SLC6A15: variants seen among roughly 807,000 people sequenced by gnomAD.
SLC6A15 encodes sodium-dependent neutral amino acid transporter B(0)AT2.
SLC6A15 carries 33 observed loss-of-function variants against 68.5 expected under a neutral mutation model. The observed-to-expected ratio is 0.48, with a 90% confidence interval of 0.37 to 0.64. The LOEUF (loss-of-function observed/expected upper bound fraction) is 0.64. SLC6A15 is among the 30% of genes least tolerant of loss of function. SLC6A15 has a pLI of 0.00. For synonymous variants in SLC6A15, 347 were observed against 301.0 expected (o/e 1.15, Z -1.58); for missense variants, 747 against 874.3 (o/e 0.85, Z 1.84).
In SLC6A15 at chr12:84,861,918, A is replaced by T; in HGVS notation, c.1907T>A (p.Val636Asp). ...AAGGTTGAAGCGACGAACAATGAAA[A>T]CTACAGGGACTGGGAGTATTGCAAA... is the stretch of plus-strand genomic sequence containing the variant. ...VVFAILPVPV[V>D]FIVRRFNLID... The change falls in exon 12 of 12, where the codon GTT becomes GAT. Residue 636 changes from valine to aspartate, a missense_variant. Coordinates refer to ENST00000266682, the MANE Select transcript of SLC6A15 (RefSeq NM_182767.6). 6.2e-7 allele frequency: 1 copy of T among 1,613,988 alleles called. No individual in the cohort carries two copies. Among genetic ancestry groups the T allele is most frequent in the Non-Finnish European group, 8.5e-7 (1 of 1,179,914 alleles).
chr12:84,864,922 C>T (rs1406345690), intron 10 of SLC6A15, among the ~76,000 whole-genome samples: 1 of 152,142 alleles, frequency 6.6e-6, no homozygotes, highest in Non-Finnish European at 1.5e-5. Flanking sequence ...ACAAAATCGA[C>T]AGATGCATCT....
At chr12:84,907,062 G>T (rs545551131) in intron 1 of SLC6A15, among the ~76,000 whole-genome samples, 10 of 152,088 alleles carry the variant, frequency 6.6e-5, no homozygotes, top group East Asian at 1.9e-4. Flanking sequence ...CTTAAAACTC[G>T]ACCGTTGCCA....
intron 1 of SLC6A15, among the ~76,000 whole-genome samples, chr12:84,894,013 G>A (rs577357169): frequency 1.4e-4 from 22 of 152,182 alleles, no homozygotes; most frequent in African/African-American, 5.3e-4. Context: ...TTAGCAAAAA[G>A]GCCGAGAAGC....
intron 1 of SLC6A15, among the ~76,000 whole-genome samples, chr12:84,905,862 A>G (rs937989332): frequency 5.9e-5 from 9 of 152,222 alleles, no homozygotes; most frequent in Non-Finnish European, 1.3e-4. Flanking sequence ...TTTCCATCAC[A>G]TAAGGATTCC....
rs761637215 is a variant in SLC6A15, at chr12:84,872,673, G to A, written c.1231C>T (p.Gln411Ter). Residue 411 changes from glutamine (Q) to a stop codon, truncating the protein, a stop_gained, in exon 8 of 12, where the codon CAA (glutamine) becomes TAA (stop). Coordinates refer to ENST00000266682, the MANE Select transcript of SLC6A15 (RefSeq NM_182767.6). LOFTEE classifies it high-confidence loss of function. ...GGAAACTCTTCTTCTTTCACTTTTT[G>A]AATGATGTCATAAACTAAATGATAA... ...EDYHLVYDIIQKVKEEEFPAL... is the reference protein window; with the variant it reads ...EDYHLVYDII 1 of 1,612,162 alleles carries A rather than the reference G, an allele frequency of 6.2e-7. No homozygotes were observed. The highest frequency in any genetic ancestry group is 2.2e-5 in the East Asian group (1 of 44,752).
chr12:84,874,760 T>G (rs183154213), intron 6 of SLC6A15, among the ~76,000 whole-genome samples: 60 of 152,300 alleles, frequency 3.9e-4, no homozygotes, highest in African/African-American at 1.4e-3. Flanking sequence ...AGAAAAGACC[T>G]ATTAACTAAA....
intron 5 of SLC6A15, among the ~76,000 whole-genome samples, chr12:84,879,688 AT>A (rs1451341293): frequency 1.3e-5 from 2 of 151,852 alleles, no homozygotes; most frequent in Non-Finnish European, 2.9e-5. Flanking sequence ...TCATTACAAT[AT>A]GTTGCAATAT....
chr12:84,866,534 G>T (rs529758573), intron 10 of SLC6A15, among the ~76,000 whole-genome samples: 1 of 151,988 alleles, frequency 6.6e-6, no homozygotes, highest in Non-Finnish European at 1.5e-5. Flanking sequence ...GCTATATAAG[G>T]CATTATGACA....
At chr12:84,883,151 G>GA (rs60034973) in intron 5 of SLC6A15, 44,265 of 843,962 alleles carry the variant, frequency 0.052, 4 homozygotes, top group East Asian at 0.072. Context: ...CTGTGATAAT[G>GA]AAAAAAAAAA....
rs139565834 is a variant in SLC6A15, at chr12:84,876,516, C to T, written c.848G>A (p.Arg283His). The T allele has an allele frequency of 4.5e-5, 72 of 1,586,284 alleles. 1 individual carries two copies. Among genetic ancestry groups the T allele is most frequent in the African/African-American group, 3.3e-4 (24 of 73,844 alleles). Residue 283 changes from arginine (R) to histidine (H), a missense_variant, in exon 6 of 12, where the codon CGC (arginine) becomes CAC (histidine). Transcript: ENST00000266682. ...FLLNGSIDGI[R>H]HMFTPKLEIM... ...ACATACCTTAGGGGTAAACATGTGG[C>T]GAATGCCATCAATTGAACCATTTAA...
chr12:84,879,473 C>T (rs1307503134), intron 5 of SLC6A15, among the ~76,000 whole-genome samples: 1 of 151,624 alleles, frequency 6.6e-6, no homozygotes, highest in Non-Finnish European at 1.5e-5. Flanking sequence ...TTACAGGCAC[C>T]TGCCACCATG....
intron 5 of SLC6A15, among the ~76,000 whole-genome samples, chr12:84,878,186 A>T (rs1242118957): frequency 6.6e-6 from 1 of 152,240 alleles, no homozygotes; most frequent in Non-Finnish European, 1.5e-5. Context: ...CATACTTTAG[A>T]ACACAATATT....
intron 1 of SLC6A15, among the ~76,000 whole-genome samples, chr12:84,904,042 T>A (rs571077439): frequency 4.6e-5 from 7 of 152,204 alleles, no homozygotes; most frequent in African/African-American, 1.7e-4. Flanking sequence ...TTAACTTTGG[T>A]TTGCTTTGAC....
rs1872415782 is a variant in SLC6A15 at position 84,891,914 on chromosome 12, T to C, written c.207A>G (p.Gln69=). The C allele has an allele frequency of 6.2e-7, 1 of 1,613,918 alleles. No homozygotes were observed. Among genetic ancestry groups the C allele is most frequent in the Non-Finnish European group, 8.5e-7 (1 of 1,180,000 alleles). ...DERPAWNSKL[Q]YILAQVGFSV... ...AAAATCCAACTTGGGCCAGGATGTA[T>C]TGTAGTTTACTGTTCCAAGCTGGTC... is the stretch of plus-strand genomic sequence containing the variant. Residue 69 remains glutamine, a synonymous_variant, in exon 2 of 12, where the codon CAA becomes CAG. Coordinates refer to ENST00000266682, the MANE Select transcript of SLC6A15 (RefSeq NM_182767.6).
At chr12:84,862,128 CA>C in intron 11 of SLC6A15, 122 bp from the exon 12 acceptor site, 2 of 965,626 alleles carry the variant, frequency 2.1e-6, no homozygotes, top group East Asian at 2.6e-5. Context: ...TTGCTTTGAC[CA>C]ATAGAAAGCA....
At chr12:84,867,589 T>G (rs1871115534) in intron 9 of SLC6A15, 1 of 152,606 alleles carries the variant, frequency 6.6e-6, no homozygotes, top group African/African-American at 2.4e-5. Flanking sequence ...TGTTCTACAG[T>G]GTTGAAATAT....
In SLC6A15 at chr12:84,883,851, A is replaced by G. The variant is rs1227988374; in HGVS notation, c.756+8T>C. 2 of 1,613,998 alleles carry G rather than the reference A, an allele frequency of 1.2e-6. No homozygotes were observed. Among genetic ancestry groups the G allele is most frequent in the Admixed American group, 3.3e-5 (2 of 60,004 alleles). ...TAGCAGAATGAGGAAGGGCTCTAAC[A>G]TACTAACTTTTCCAGAAGACTGAAT... On this transcript the variant is annotated splice_region_variant and intron_variant, in intron 5 of 11. Transcript: ENST00000266682.
intron 1 of SLC6A15, among the ~76,000 whole-genome samples, chr12:84,898,527 C>A (rs1565732031): frequency 6.6e-6 from 1 of 152,172 alleles, no homozygotes; most frequent in Non-Finnish European, 1.5e-5. Flanking sequence ...AAGAGACTAT[C>A]TGAGTTCAAA....
chr12:84,885,382 T>C (rs2120643402), intron 4 of SLC6A15, 53 bp downstream of exon 4: 7 of 1,442,474 alleles, frequency 4.9e-6, no homozygotes, highest in Non-Finnish European at 6.4e-6. Flanking sequence ...GCTTGTACCT[T>C]TGCCACTCTT....
Sources: gnomAD v4.1 joint callset for allele counts (sites outside exome capture counted in the v4.1 genomes callset) on GRCh38, gnomAD v4.1.1 for gene constraint, MANE v1.5 for transcripts, NCBI Gene and HGNC (gene_info 2026-07-23, HGNC 2026-07-21) for gene names.